Variants in CCDC88C observed in about 807,000 individuals in gnomAD.
The protein encoded by CCDC88C is coiled-coil and HOOK domain protein 88C, also known as protein Daple.
Under a neutral mutation model 198.8 loss-of-function variants are expected in CCDC88C, and 131 were observed. The observed-to-expected ratio is 0.66, with a 90% confidence interval of 0.57 to 0.76. The LOEUF (loss-of-function observed/expected upper bound fraction) is 0.76. CCDC88C is among the 30% of genes least tolerant of loss of function. CCDC88C has a pLI of 0.00. For missense variants in CCDC88C, 2,553 were observed against 2,631.6 expected, an observed-to-expected ratio of 0.97 and a Z score of 0.65; for synonymous variants, 1,166 against 1,114.7, an observed-to-expected ratio of 1.05 and a Z score of -0.92.
intron 29 of CCDC88C, among the ~76,000 whole-genome samples, chr14:91,274,715 C>G (rs1419577966): frequency 6.6e-6 from 1 of 152,200 alleles, no homozygotes; most frequent in Non-Finnish European, 1.5e-5. Flanking sequence ...CTTTCATCAC[C>G]TGTGGGGCCA....
At chr14:91,368,585 C>G (rs1231639254) in intron 3 of CCDC88C, among the ~76,000 whole-genome samples, 1 of 152,154 alleles carries the variant, frequency 6.6e-6, no homozygotes, top group African/African-American at 2.4e-5. Flanking sequence ...TTCCAGTGTT[C>G]CCAATGTCTA....
intron 2 of CCDC88C, among the ~76,000 whole-genome samples, chr14:91,416,380 C>A (rs1264552179): frequency 6.6e-6 from 1 of 152,202 alleles, no homozygotes; most frequent in Admixed American, 6.5e-5. Context: ...CTTCCTGTAA[C>A]CAGACACTCT....
intron 27 of CCDC88C, chr14:91,281,091 TC>T: frequency 2.1e-6 from 1 of 466,362 alleles, no homozygotes; most frequent in South Asian, 1.6e-5. Context: ...TAAATACGCC[TC>T]AGAGCTACTA....
intron 10 of CCDC88C, among the ~76,000 whole-genome samples, chr14:91,328,678 C>G (rs1038636940): frequency 1.3e-5 from 2 of 152,170 alleles, no homozygotes; most frequent in Non-Finnish European, 2.9e-5. Context: ...TACATACACT[C>G]TCAACCCGGA....
intron 13 of CCDC88C, among the ~76,000 whole-genome samples, chr14:91,320,587 C>T (rs979855295): frequency 6.6e-6 from 1 of 152,194 alleles, no homozygotes; most frequent in African/African-American, 2.4e-5. Context: ...GCACAGGTGA[C>T]AATCCGGACT....
rs1407120382 is a variant in CCDC88C at position 91,326,072 on chromosome 14, A to G, written c.1051-16T>C. On this transcript the variant is annotated splice_polypyrimidine_tract_variant and intron_variant, in intron 10 of 29. Transcript: ENST00000389857. ...CTCTCAGCTCCTGGTTAGCAAAAACATACATGAGAACCATCAGATAAAGGC... is the reference window on the plus strand; with the variant it reads ...CTCTCAGCTCCTGGTTAGCAAAAACGTACATGAGAACCATCAGATAAAGGC... 1.2e-6 allele frequency: 2 copies of G among 1,605,316 alleles called. No individual in the cohort carries two copies. The highest frequency in any genetic ancestry group is 3.3e-4 in the Middle Eastern group (2 of 6,056).
intron 4 of CCDC88C, among the ~76,000 whole-genome samples, chr14:91,355,182 G>A (rs1163025040): frequency 6.6e-6 from 1 of 152,220 alleles, no homozygotes; most frequent in Admixed American, 6.5e-5. Flanking sequence ...AGGGGAGCTG[G>A]TGGTGGTGAG....
chr14:91,371,757 C>T lies in CCDC88C; in HGVS notation c.271-12046G>A, dbSNP rs1050308490. 3.9e-5 allele frequency among the ~76,000 whole-genome samples: 6 copies of T among 152,236 alleles called. No homozygotes were observed. The highest frequency in any genetic ancestry group is 5.9e-5 in the Non-Finnish European group (4 of 68,034). On this transcript the variant is annotated intron_variant, in intron 3 of 29. Transcript: ENST00000389857. This position sits in a 1 kb window ranked among gnomAD's most constrained non-coding sequence, Gnocchi z 4.2. ...GTCCCATGTCCCACTCCACCGCTCA[C>T]CCACCCAGGCCCACAGGCACCTATG...
intron 3 of CCDC88C, among the ~76,000 whole-genome samples, chr14:91,404,549 A>T (rs1313986887): frequency 6.6e-6 from 1 of 152,142 alleles, no homozygotes; most frequent in East Asian, 1.9e-4. Flanking sequence ...CTGCATCTCT[A>T]ACAAGCTCCC....
chr14:91,346,839 C>T (rs1230488477), intron 4 of CCDC88C, among the ~76,000 whole-genome samples: 1 of 152,132 alleles, frequency 6.6e-6, no homozygotes, highest in East Asian at 1.9e-4. Flanking sequence ...GCGGAGGTTG[C>T]AGTGAGCTGA....
rs985176227 is a variant in CCDC88C, at chr14:91,284,070, T to C, written c.4442-553A>G. Among the ~76,000 whole-genome samples, 3 of 152,218 alleles carry C rather than the reference T, an allele frequency of 2.0e-5. No individual in the cohort carries two copies. Among genetic ancestry groups the C allele is most frequent in the Non-Finnish European group, 2.9e-5 (2 of 68,036 alleles). ...AAATTTTTACCTTGTGTCTTGTGCT[T>C]TTCTGAAATCTCTAACTTTTCTACC... is the stretch of plus-strand genomic sequence containing the variant. On this transcript the variant is annotated intron_variant, in intron 25 of 29. Coordinates refer to ENST00000389857, the MANE Select transcript of CCDC88C (RefSeq NM_001080414.4). The surrounding 1 kb of genome is among the most constrained non-coding windows in gnomAD (Gnocchi z 4.1).
At chr14:91,345,805 C>T (rs994989189) in intron 4 of CCDC88C, among the ~76,000 whole-genome samples, 6 of 152,108 alleles carry the variant, frequency 3.9e-5, no homozygotes, top group Admixed American at 2.6e-4. Context: ...AGAACACCTG[C>T]GCCTAGACGA....
intron 20 of CCDC88C, among the ~76,000 whole-genome samples, 194 bp downstream of exon 20, chr14:91,303,506 GC>G: frequency 7.6e-6 from 1 of 130,914 alleles, no homozygotes; most frequent in East Asian, 2.3e-4. Flanking sequence ...CTCTCCCCAG[GC>G]CCCACCCCTC....
chr14:91,306,548 T>C (rs957364610), intron 18 of CCDC88C, among the ~76,000 whole-genome samples: 5 of 152,218 alleles, frequency 3.3e-5, no homozygotes, highest in African/African-American at 4.8e-5. Flanking sequence ...AAAGTCATTG[T>C]TGAGAATCAA....
At chr14:91,310,351 G>C (rs1365558137) in intron 15 of CCDC88C, among the ~76,000 whole-genome samples, 1 of 152,108 alleles carries the variant, frequency 6.6e-6, no homozygotes, top group African/African-American at 2.4e-5. Context: ...GCCCCTTGTA[G>C]ACACTTTGAA....
At chr14:91,281,197 G>A (rs764808201) in intron 27 of CCDC88C, 11 of 828,524 alleles carry the variant, frequency 1.3e-5, no homozygotes, top group Admixed American at 4.3e-5. Flanking sequence ...GCCTGGAAGG[G>A]TGCTTGAAGG....
intron 13 of CCDC88C, 78 bp downstream of exon 13, chr14:91,321,042 T>G: frequency 1.5e-6 from 2 of 1,374,836 alleles, no homozygotes; most frequent in South Asian, 1.4e-5. Flanking sequence ...TTGTCTGTGC[T>G]CCAGACAATC....
chr14:91,314,224 G>A, intron 14 of CCDC88C, 74 bp from the exon 15 acceptor site: 1 of 1,243,022 alleles, frequency 8.0e-7, no homozygotes, highest in South Asian at 1.4e-5. Flanking sequence ...TCACACTGGG[G>A]ATGGGAGAGA....
chr14:91,330,536 C>T (rs944105762), intron 10 of CCDC88C, among the ~76,000 whole-genome samples: 4 of 152,110 alleles, frequency 2.6e-5, no homozygotes, highest in Non-Finnish European at 4.4e-5. Flanking sequence ...TGAGGCTGAG[C>T]CACACTCTTC....
Sources: gnomAD v4.1 joint callset for allele counts (sites outside exome capture counted in the v4.1 genomes callset) on GRCh38, gnomAD v4.1.1 for gene constraint, Gnocchi (gnomAD v3.1) non-coding constraint, MANE v1.5 for transcripts, NCBI Gene and HGNC (gene_info 2026-07-23, HGNC 2026-07-21) for gene names.